The following NUP205 variants were observed in gnomAD, a reference collection of about 807,000 sequenced individuals.
NUP205 encodes nucleoporin 205.
A neutral mutation model predicts 253.8 loss-of-function variants in NUP205; 76 were observed. The observed-to-expected ratio is 0.30, with a 90% confidence interval of 0.25 to 0.36. NUP205 has a LOEUF of 0.36. Ranked by LOEUF, NUP205 falls within the 10% of genes least tolerant of loss-of-function variation. NUP205 has a pLI of 1.00. For synonymous variants in NUP205, 832 were observed against 850.1 expected (o/e 0.98, Z 0.37); for missense variants, 2,162 against 2,425.5 (o/e 0.89, Z 2.28).
chr7:135,601,114 G>A (rs1793957012), intron 16 of NUP205, 145 bp downstream of exon 16: 3 of 595,664 alleles, frequency 5.0e-6, no homozygotes, highest in Non-Finnish European at 8.5e-6. Context: ...TAATTTTTCT[G>A]TTCAAGAGAA....
intron 7 of NUP205, among the ~76,000 whole-genome samples, chr7:135,579,586 G>T (rs1689379335): frequency 6.6e-6 from 1 of 152,046 alleles, no homozygotes; most frequent in Admixed American, 6.6e-5. Flanking sequence ...TTCACATTGT[G>T]TCAAATTAAA....
chr7:135,623,505 C>T (rs1166288743), intron 31 of NUP205, among the ~76,000 whole-genome samples: 5 of 152,104 alleles, frequency 3.3e-5, no homozygotes, highest in East Asian at 3.9e-4. Flanking sequence ...ACAACAGAAA[C>T]GCTGCTTAAT....
chr7:135,560,868 T>C (rs552051185), intron 1 of NUP205, among the ~76,000 whole-genome samples: 3 of 152,260 alleles, frequency 2.0e-5, no homozygotes, highest in Admixed American at 2.0e-4. Flanking sequence ...AGTTTCTGTT[T>C]TGCAAGATGA....
At chr7:135,639,552 G>A (rs560608410) in intron 38 of NUP205, among the ~76,000 whole-genome samples, 7 of 151,898 alleles carry the variant, frequency 4.6e-5, no homozygotes, top group South Asian at 2.1e-4. Flanking sequence ...TTAGCCGGGT[G>A]CAGTGGCGCG....
In NUP205 at chr7:135,598,092, C is replaced by T. The variant is rs1397917604; in HGVS notation, c.2159C>T (p.Pro720Leu). The T allele has an allele frequency of 5.0e-6, 8 of 1,614,116 alleles. No individual in the cohort carries two copies. Among genetic ancestry groups the T allele is most frequent in the Non-Finnish European group, 6.8e-6 (8 of 1,180,006 alleles). Residue 720 changes from proline to leucine, a missense_variant, in exon 15 of 43, where the codon CCT becomes CTT. This residue lies in a region of NUP205 where 892 missense variants were observed against 957.1 expected (regional missense o/e 0.93). Coordinates refer to ENST00000285968, the MANE Select transcript of NUP205 (RefSeq NM_015135.3). ...LISTLVESSF[P>L]SNLGAGLRPP... ...AGTACTCTGGTGGAGAGCTCATTTCCTTCTAATTTGGGTGCTGGACTGCGG... is the reference window on the plus strand; with the variant it reads ...AGTACTCTGGTGGAGAGCTCATTTCTTTCTAATTTGGGTGCTGGACTGCGG...
At chr7:135,560,887 G>A (rs1805563573) in intron 1 of NUP205, among the ~76,000 whole-genome samples, 1 of 152,198 alleles carries the variant, frequency 6.6e-6, no homozygotes, top group Admixed American at 6.6e-5. Flanking sequence ...GAAAAAAGCT[G>A]TGAAGATCTG....
chr7:135,573,954 A>G, intron 3 of NUP205, 129 bp downstream of exon 3: 1 of 743,396 alleles, frequency 1.3e-6, no homozygotes, highest in Non-Finnish European at 2.1e-6. Context: ...AACCATATTC[A>G]AAATATTTCC....
intron 22 of NUP205, among the ~76,000 whole-genome samples, chr7:135,610,778 G>T (rs892349404): frequency 6.6e-6 from 1 of 152,142 alleles, no homozygotes; most frequent in African/African-American, 2.4e-5. Context: ...AAATAAATCT[G>T]ATTGTAGCAA....
chr7:135,639,926 G>A (rs1056063568), intron 38 of NUP205, among the ~76,000 whole-genome samples: 2 of 152,174 alleles, frequency 1.3e-5, no homozygotes, highest in Non-Finnish European at 2.9e-5. Context: ...GATGAGGCTG[G>A]AAGCCATCAT....
chr7:135,622,671 G>A (rs1282581278), intron 30 of NUP205, 106 bp from the exon 31 acceptor site: 40 of 853,926 alleles, frequency 4.7e-5, no homozygotes, highest in South Asian at 2.4e-4. Context: ...TTTTTGTTGC[G>A]TTTTTTTTTT....
chr7:135,558,093 C>A, intron 1 of NUP205, 121 bp downstream of exon 1: 1 of 857,128 alleles, frequency 1.2e-6, no homozygotes, highest in Non-Finnish European at 2.0e-6. Flanking sequence ...CTGCTTTTCC[C>A]TAATTCTGGG....
At chr7:135,560,446 C>T (rs114865402) in intron 1 of NUP205, among the ~76,000 whole-genome samples, 357 of 152,266 alleles carry the variant, frequency 2.3e-3, no homozygotes, top group African/African-American at 7.8e-3. Context: ...ACATAGGAAA[C>T]ATTTTTAAAA....
intron 33 of NUP205, among the ~76,000 whole-genome samples, chr7:135,627,219 A>G (rs571143851): frequency 1.4e-4 from 22 of 152,314 alleles, no homozygotes; most frequent in Middle Eastern, 3.4e-3. Context: ...AAATTTAAAT[A>G]TAAACATTAA....
In NUP205 at chr7:135,573,661, A is replaced by G; in HGVS notation, c.179A>G (p.Asn60Ser). 6.2e-7 allele frequency: 1 copy of G among 1,602,104 alleles called. No homozygotes were observed. Among genetic ancestry groups the G allele is most frequent in the Middle Eastern group, 1.7e-4 (1 of 5,992 alleles). ...ACAATTTTATCATTGTAGCCAAAAAATGTTCAACAGCATGAGAAGGTTCAG... is the reference window on the plus strand; with the variant it reads ...ACAATTTTATCATTGTAGCCAAAAAGTGTTCAACAGCATGAGAAGGTTCAG... ...FISLFKNPPK[N>S]VQQHEKVQKA... The change falls in exon 3 of 43, where the codon AAT (asparagine) becomes AGT (serine). Residue 60 changes from asparagine (N) to serine (S), a missense_variant. Asn to Ser is a conservative substitution (Grantham distance 46). Around this residue, in one of 5 missense-constraint regions of NUP205, gnomAD observed 109 missense variants for 131.8 expected, o/e 0.83. Transcript: ENST00000285968.
intron 33 of NUP205, 105 bp from the exon 34 acceptor site, chr7:135,627,868 A>G (rs1794627073): frequency 1.7e-6 from 2 of 1,177,450 alleles, no homozygotes; most frequent in East Asian, 2.4e-5. Flanking sequence ...GTTGATTCAC[A>G]TCTTAATCAG....
chr7:135,587,267 C>G (rs762175387), intron 8 of NUP205, among the ~76,000 whole-genome samples: 2 of 152,066 alleles, frequency 1.3e-5, no homozygotes, highest in South Asian at 4.1e-4. Flanking sequence ...CTGGAATATT[C>G]AGGATAATCC....
intron 15 of NUP205, 47 bp from the exon 16 acceptor site, chr7:135,600,823 A>G: frequency 8.7e-7 from 1 of 1,144,462 alleles, no homozygotes; most frequent in Non-Finnish European, 1.3e-6. Flanking sequence ...CAAGGCCACC[A>G]CCTTGGTCTG....
At chr7:135,629,061 G>A (rs1452284563) in intron 34 of NUP205, among the ~76,000 whole-genome samples, 1 of 152,216 alleles carries the variant, frequency 6.6e-6, no homozygotes, top group East Asian at 1.9e-4. Flanking sequence ...AGAATCACCT[G>A]AGGAGCCTCT....
At chr7:135,620,030 A>C (rs942941588) in intron 30 of NUP205, 142 bp downstream of exon 30, 3 of 628,994 alleles carry the variant, frequency 4.8e-6, no homozygotes, top group Non-Finnish European at 5.6e-6. Context: ...ATTTACTCAA[A>C]AGTTGAGGAA....
Sources: allele counts gnomAD v4.1 joint callset (sites outside exome capture counted in the v4.1 genomes callset), GRCh38; gene constraint gnomAD v4.1.1; regional missense constraint gnomAD v4.1.1; transcripts MANE v1.5; gene names NCBI Gene and HGNC (gene_info 2026-07-23, HGNC 2026-07-21).